The following RALB variants were observed in gnomAD, a reference collection of about 807,000 sequenced individuals.
The protein encoded by RALB is RAS like proto-oncogene B, also known as ras-related protein Ral-B.
Under a neutral mutation model 21.3 loss-of-function variants are expected in RALB, and 16 were observed. The observed-to-expected ratio is 0.75, with a 90% CI of 0.51 to 1.14. RALB has a LOEUF of 1.14. RALB is among the 50% of genes most tolerant of loss of function. RALB has a pLI of 0.00. For synonymous variants in RALB, 93 were observed against 96.1 expected (o/e 0.97, Z 0.19); for missense variants, 161 against 256.2 (o/e 0.63, Z 2.54).
intron 1 of RALB, chr2:120,253,191 C>T (rs1019428169): frequency 7.9e-5 from 26 of 328,866 alleles, no homozygotes; most frequent in African/African-American, 1.1e-4. Context: ...TCTCGGCTTC[C>T]TGGGCTGCCT....
chr2:120,254,681 TTTTG>T (rs149383354), intron 1 of RALB, among the ~76,000 whole-genome samples: 104,901 of 151,290 alleles, frequency 0.69, 36,935 homozygotes, highest in Middle Eastern at 0.8. Flanking sequence ...ATAATCCTTT[TTTTG>T]TTTGTTTTTG....
intron 3 of RALB, among the ~76,000 whole-genome samples, chr2:120,288,777 G>A (rs750264547): frequency 2.6e-5 from 4 of 151,952 alleles, no homozygotes. Flanking sequence ...AGGGCTTGTC[G>A]TATTTCCTTT....
chr2:120,292,926 T>A (rs1021287168), intron 4 of RALB, among the ~76,000 whole-genome samples: 1 of 152,254 alleles, frequency 6.6e-6, no homozygotes, highest in African/African-American at 2.4e-5. Flanking sequence ...GGTTAATTTT[T>A]CTTATTTGCC....
At chr2:120,252,248 A>C (rs1170707567), upstream of RALB, among the ~76,000 whole-genome samples, 1 of 151,856 alleles carries the variant, frequency 6.6e-6, no homozygotes, top group East Asian at 1.9e-4. Flanking sequence ...CCTCGAGGCT[A>C]TGGCTGGGGT....
intron 1 of RALB, among the ~76,000 whole-genome samples, chr2:120,258,654 G>A (rs900705292): frequency 6.6e-6 from 1 of 152,254 alleles, no homozygotes; most frequent in African/African-American, 2.4e-5. Context: ...GCTGTTGAAT[G>A]AATGGTGGCA....
chr2:120,282,360 C>A (rs1690009076), intron 2 of RALB, among the ~76,000 whole-genome samples: 1 of 152,006 alleles, frequency 6.6e-6, no homozygotes, highest in Non-Finnish European at 1.5e-5. Flanking sequence ...TACCTGTAAT[C>A]CCAGCTACTT....
chr2:120,281,213 G>A lies in RALB; in HGVS notation c.114+2435G>A, dbSNP rs1461348069. 4.6e-5 allele frequency among the ~76,000 whole-genome samples: 7 copies of A among 152,200 alleles called. No individual in the cohort carries two copies. In the East Asian group the frequency reaches 1.4e-3, roughly 29 times the overall value. On this transcript the variant is annotated intron_variant, in intron 2 of 4. Transcript: ENST00000272519. ...AGAATTTAGTTCCTTGTGGGTGTAG[G>A]ACACAGGTGCTCGGATTCTACAAGT...
rs1241510835 is a variant in RALB at position 120,286,099 on chromosome 2, A to G, written c.323+17A>G. On this transcript the variant is annotated intron_variant, in intron 3 of 4. Transcript: ENST00000272519. ...CGAATTCAGGTATGTCTGAAATGAA[A>G]TAGCAGAAGCCCCCAGGAAGCTTTT... 2.5e-6 allele frequency: 4 copies of G among 1,610,814 alleles called. No homozygotes were observed. The highest frequency in any genetic ancestry group is 4.5e-5 in the East Asian group (2 of 44,838).
intron 1 of RALB, among the ~76,000 whole-genome samples, chr2:120,277,384 CAT>C (rs1689828560): frequency 6.7e-6 from 1 of 150,338 alleles, no homozygotes; most frequent in Non-Finnish European, 1.5e-5. Context: ...GTGGCGTGAA[CAT>C]GTATGTGTGA....
intron 1 of RALB, among the ~76,000 whole-genome samples, chr2:120,260,993 T>G (rs1284903969): frequency 1.3e-5 from 2 of 152,190 alleles, no homozygotes; most frequent in Admixed American, 6.5e-5. Context: ...GGAACATGAT[T>G]AGAGACTAGG....
At chr2:120,258,194 C>A (rs1429369173) in intron 1 of RALB, among the ~76,000 whole-genome samples, 2 of 152,218 alleles carry the variant, frequency 1.3e-5, no homozygotes, top group Non-Finnish European at 2.9e-5. Context: ...GGTCCCAAAT[C>A]CCTCAACTTG....
intron 1 of RALB, among the ~76,000 whole-genome samples, chr2:120,257,440 C>T (rs1174412471): frequency 1.3e-5 from 2 of 152,196 alleles, no homozygotes; most frequent in Admixed American, 6.5e-5. Flanking sequence ...AGAAGAGTTT[C>T]TGGATCCTGA....
intron 1 of RALB, among the ~76,000 whole-genome samples, chr2:120,264,212 G>A (rs985920070): frequency 3.3e-5 from 5 of 151,974 alleles, no homozygotes; most frequent in South Asian, 2.1e-4. Flanking sequence ...GTGTAGTGGT[G>A]TGATCTCGGC....
chr2:120,269,279 C>A (rs1028042684), intron 1 of RALB, among the ~76,000 whole-genome samples: 2 of 152,148 alleles, frequency 1.3e-5, no homozygotes, highest in South Asian at 2.1e-4. Context: ...TCACTGACTT[C>A]AAGAATGAAG....
intron 1 of RALB, among the ~76,000 whole-genome samples, chr2:120,261,983 C>G (rs527561221): frequency 6.6e-6 from 1 of 152,078 alleles, no homozygotes; most frequent in Non-Finnish European, 1.5e-5. Flanking sequence ...AAAGGGTTTT[C>G]GGAGAAGAGA....
intron 1 of RALB, among the ~76,000 whole-genome samples, chr2:120,276,617 A>C (rs924169841): frequency 2.6e-5 from 4 of 151,988 alleles, no homozygotes; most frequent in African/African-American, 9.7e-5. Flanking sequence ...AAAAGAAAAA[A>C]AAAAAAGGAG....
At chr2:120,240,412 G>A (rs946116983) in intron 1 of RALB, among the ~76,000 whole-genome samples, 1 of 151,922 alleles carries the variant, frequency 6.6e-6, no homozygotes, top group African/African-American at 2.4e-5. Context: ...AGTCTCTTGA[G>A]TAGCTGGGAC....
rs547573123 is a variant in RALB, at chr2:120,282,830, A to G, written c.115-3044A>G. ...ATCGATTTTCTAAAACGGTGCTAATAGAAACTTCCATGATGATGAAAATGT... is the reference window on the plus strand; with the variant it reads ...ATCGATTTTCTAAAACGGTGCTAATGGAAACTTCCATGATGATGAAAATGT... On this transcript the variant is annotated intron_variant, in intron 2 of 4. Transcript: ENST00000272519. 1.3e-4 allele frequency among the ~76,000 whole-genome samples: 20 copies of G among 152,334 alleles called. No individual in the cohort carries two copies. In the South Asian group the frequency reaches 4.1e-3, roughly 32 times the overall value.
chr2:120,285,883 G>T lies in RALB; in HGVS notation c.124G>T (p.Asp42Tyr). The change falls in exon 3 of 5, where the codon GAC becomes TAC. Residue 42 changes from aspartate to tyrosine, a missense_variant. Coordinates refer to ENST00000272519, the MANE Select transcript of RALB (RefSeq NM_002881.3). ...ATGTTTATTTCCTCAGTTTGTAGAA[G>T]ACTATGAACCTACCAAAGCTGACAG... ...LQFMYDEFVEDYEPTKADSYR... is the reference protein window; with the variant it reads ...LQFMYDEFVEYYEPTKADSYR... 1 of 1,612,554 alleles carries T rather than the reference G, an allele frequency of 6.2e-7. No homozygotes were observed. The highest frequency in any genetic ancestry group is 1.1e-5 in the South Asian group (1 of 91,026).
Sources: allele counts gnomAD v4.1 joint callset (sites outside exome capture counted in the v4.1 genomes callset), GRCh38; gene constraint gnomAD v4.1.1; transcripts MANE v1.5; gene names NCBI Gene and HGNC (gene_info 2026-07-23, HGNC 2026-07-21).